The following GSAP variants were observed in gnomAD, a reference collection of about 807,000 sequenced individuals.
GSAP encodes gamma-secretase-activating protein.
GSAP carries 118 observed loss-of-function variants against 131.7 expected under a neutral mutation model. The observed-to-expected ratio is 0.90, with a 90% CI of 0.77 to 1.04. GSAP has a LOEUF of 1.04. Ranked by LOEUF, GSAP falls within the 50% of genes least tolerant of loss-of-function variation. GSAP has a pLI of 0.00. For synonymous variants in GSAP, 381 were observed against 363.4 expected, an observed-to-expected ratio of 1.05 and a Z score of -0.55; for missense variants, 1,019 against 1,013.2, an observed-to-expected ratio of 1.01 and a Z score of -0.08.
At chr7:77,402,434 AG>A (rs1346607463) in intron 3 of GSAP, among the ~76,000 whole-genome samples, 23 of 147,128 alleles carry the variant, frequency 1.6e-4, no homozygotes, top group East Asian at 1.4e-3. Context: ...ACACACACAC[AG>A]AAAAAAAAGA....
intron 19 of GSAP, among the ~76,000 whole-genome samples, chr7:77,343,968 C>T (rs1413870512): frequency 2.6e-5 from 4 of 152,170 alleles, no homozygotes; most frequent in African/African-American, 9.7e-5. Flanking sequence ...CCCTTCCCTA[C>T]ACATCAAGCT....
chr7:77,331,044 T>A (rs1336368266), intron 19 of GSAP, among the ~76,000 whole-genome samples: 4 of 152,238 alleles, frequency 2.6e-5, no homozygotes, highest in Non-Finnish European at 4.4e-5. Flanking sequence ...CCAGGTGCAG[T>A]GGCTCATGCC....
In GSAP at chr7:77,355,649, TATAGA is replaced by T. The variant is rs1793574410; in HGVS notation, c.1028-7_1028-3del. On this transcript the variant is annotated splice_polypyrimidine_tract_variant and splice_region_variant and intron_variant, in intron 14 of 30. Coordinates refer to ENST00000257626, the MANE Select transcript of GSAP (RefSeq NM_017439.4). Reference sequence around the variant, plus strand: ...GTAAGTAAACAGCCACATAATAGTCTATAGAAGAGAAAGATTTACATCATCTACAT... The same window carrying T: ...GTAAGTAAACAGCCACATAATAGTCTAGAGAAAGATTTACATCATCTACAT... 6.6e-7 allele frequency: 1 copy of T among 1,510,646 alleles called. No individual in the cohort carries two copies. Among genetic ancestry groups the T allele is most frequent in the Non-Finnish European group, 9.2e-7 (1 of 1,086,002 alleles). 93.6% of individuals were successfully genotyped at this position (1,510,646 alleles called of 1,614,324 possible). A position where few individuals can be genotyped will look rare whatever the true frequency, so the allele number is the denominator to read the frequency against.
chr7:77,343,486 T>C lies in GSAP; in HGVS notation c.1545+5865A>G, dbSNP rs188991536. ...CTATGCAAGGGTCCTCCATCATTAA[T>C]GCCTCTTTAATAAAAACTCTTCTCA... is the stretch of plus-strand genomic sequence containing the variant. On this transcript the variant is annotated intron_variant, in intron 19 of 30. Coordinates refer to ENST00000257626, the MANE Select transcript of GSAP (RefSeq NM_017439.4). 2.7e-3 allele frequency among the ~76,000 whole-genome samples: 418 copies of C among 152,332 alleles called. 2 individuals are homozygous for C. The highest frequency in any genetic ancestry group is 9.3e-3 in the African/African-American group (385 of 41,572).
At chr7:77,361,903 G>A (rs1794573975) in intron 13 of GSAP, among the ~76,000 whole-genome samples, 1 of 152,050 alleles carries the variant, frequency 6.6e-6, no homozygotes, top group African/African-American at 2.4e-5. Flanking sequence ...AACCTGTTGA[G>A]GTCTGAGATC....
rs750024888 is a variant in GSAP at position 77,355,449 on chromosome 7, A to C, written c.1121-19T>G. ...TTATTTCCTGGCAAAAAAAAAAAAA[A>C]CAGTAGATCAGCAAATAGAAGAAAC... On this transcript the variant is annotated intron_variant, in intron 15 of 30. Transcript: ENST00000257626. 1.5e-5 allele frequency: 20 copies of C among 1,326,414 alleles called. No homozygotes were observed. Among genetic ancestry groups the C allele is most frequent in the South Asian group, 3.7e-5 (3 of 81,902 alleles). 82.2% of individuals were successfully genotyped at this position (1,326,414 alleles called of 1,614,324 possible). A position where few individuals can be genotyped will look rare whatever the true frequency, so the allele number is the denominator to read the frequency against.
intron 3 of GSAP, among the ~76,000 whole-genome samples, chr7:77,404,176 C>T (rs1181636926): frequency 6.6e-6 from 1 of 152,196 alleles, no homozygotes; most frequent in Non-Finnish European, 1.5e-5. Flanking sequence ...CCAAAATGAC[C>T]AAATGCCATA....
chr7:77,356,663 T>C (rs539209374), intron 14 of GSAP, among the ~76,000 whole-genome samples: 28 of 152,328 alleles, frequency 1.8e-4, no homozygotes, highest in African/African-American at 6.7e-4. Flanking sequence ...GGAGACAAGG[T>C]ATAAAAAATA....
At position 77,375,098 on chromosome 7, in the gene GSAP, C is replaced by A. The variant is rs529288393; in HGVS notation, c.745G>T (p.Glu249Ter). 6.4e-7 allele frequency: 1 copy of A among 1,556,828 alleles called. No homozygotes were observed. Among genetic ancestry groups the A allele is most frequent in the East Asian group, 2.3e-5 (1 of 44,046 alleles). The change falls in exon 11 of 31, where the codon GAA becomes TAA. Residue 249 changes from glutamate to a stop codon, truncating the protein, a stop_gained. Transcript: ENST00000257626. LOFTEE classifies it high-confidence loss of function. ...YADESYNLMF[E>*]VPLDISLSNS... Reference sequence around the variant, plus strand: ...CTTAATGATATGTCCAAGGGTACTTCAAACTGTCAAAAAAATCAAAGAAAA... The same window carrying A: ...CTTAATGATATGTCCAAGGGTACTTAAAACTGTCAAAAAAATCAAAGAAAA...
At chr7:77,326,336 G>A in intron 22 of GSAP, 63 bp from the exon 23 acceptor site, 1 of 1,118,266 alleles carries the variant, frequency 8.9e-7, no homozygotes. Context: ...TTAGAAGGAA[G>A]AAGAATCAGC....
At chr7:77,352,913 T>C in intron 18 of GSAP, 31 bp downstream of exon 18, 2 of 1,256,678 alleles carry the variant, frequency 1.6e-6, no homozygotes, top group Non-Finnish European at 2.3e-6. Flanking sequence ...ATTGATTTTA[T>C]TTGCATACAG....
At chr7:77,386,175 T>C (rs994097012) in intron 6 of GSAP, among the ~76,000 whole-genome samples, 4 of 152,168 alleles carry the variant, frequency 2.6e-5, no homozygotes, top group Non-Finnish European at 5.9e-5. Flanking sequence ...AAGAAAATAA[T>C]TTTAAAAATT....
intron 11 of GSAP, among the ~76,000 whole-genome samples, 190 bp from the exon 12 acceptor site, chr7:77,374,345 A>G (rs1796543392): frequency 6.6e-6 from 1 of 152,256 alleles, no homozygotes; most frequent in Non-Finnish European, 1.5e-5. Context: ...AAATGGCATC[A>G]GCCTGATAAC....
intron 17 of GSAP, 90 bp downstream of exon 17, chr7:77,353,482 C>T: frequency 1.4e-6 from 1 of 710,520 alleles, no homozygotes; most frequent in Middle Eastern, 2.7e-4. Context: ...AGCATTTGGA[C>T]AGGTTGAGGC....
At chr7:77,412,438 C>T (rs1035256686) in intron 1 of GSAP, among the ~76,000 whole-genome samples, 2 of 151,874 alleles carry the variant, frequency 1.3e-5, no homozygotes, top group African/African-American at 2.4e-5. Context: ...AATGTCTTCA[C>T]GACTTCAAAA....
intron 3 of GSAP, 149 bp from the exon 4 acceptor site, chr7:77,397,564 T>A: frequency 1.8e-6 from 1 of 544,732 alleles, no homozygotes; most frequent in Non-Finnish European, 3.3e-6. Context: ...TGCTGACACA[T>A]TCCAGAGTAC....
chr7:77,342,267 T>A (rs867671811), intron 19 of GSAP, among the ~76,000 whole-genome samples: 11 of 152,136 alleles, frequency 7.2e-5, no homozygotes, highest in Non-Finnish European at 1.5e-4. Context: ...TCTTAATCAA[T>A]ACAGAGGATA....
At chr7:77,394,166 G>C (rs988559684) in intron 5 of GSAP, among the ~76,000 whole-genome samples, 1 of 152,146 alleles carries the variant, frequency 6.6e-6, no homozygotes, top group Non-Finnish European at 1.5e-5. Context: ...CTCAGTATGC[G>C]TATCTCTTCC....
rs911357889 is a variant in GSAP at position 77,335,329 on chromosome 7, C to G, written c.1546-4962G>C. Among the ~76,000 whole-genome samples the G allele has an allele frequency of 1.7e-3, 260 of 152,198 alleles. 2 individuals are homozygous for G. The highest frequency in any genetic ancestry group is 1.6e-4 in the Non-Finnish European group (11 of 68,008). On this transcript the variant is annotated intron_variant, in intron 19 of 30. Coordinates refer to ENST00000257626, the MANE Select transcript of GSAP (RefSeq NM_017439.4). ...GATGGATCACTTGAACCTGGGGAGG[C>G]AGAGGTTGCAGTAAGCCAAGAACAT... is the stretch of plus-strand genomic sequence containing the variant.
Sources: allele counts gnomAD v4.1 joint callset (sites outside exome capture counted in the v4.1 genomes callset), GRCh38; gene constraint gnomAD v4.1.1; transcripts MANE v1.5; gene names NCBI Gene and HGNC (gene_info 2026-07-23, HGNC 2026-07-21).